Variants in LEFTY1 observed in about 807,000 individuals in gnomAD.
The protein encoded by LEFTY1 is left-right determination factor B.
In LEFTY1, 18 loss-of-function variants were observed where a neutral mutation model predicts 22.6. That is an observed-to-expected ratio of 0.80 (90% CI 0.55 to 1.18). The LOEUF (loss-of-function observed/expected upper bound fraction) is 1.18. Ranked by LOEUF, LEFTY1 falls within the 50% of genes most tolerant of loss-of-function variation. The pLI is 0.00. For synonymous variants in LEFTY1, 201 were observed against 231.5 expected, an observed-to-expected ratio of 0.87 and a Z score of 1.20; for missense variants, 414 against 495.4, an observed-to-expected ratio of 0.84 and a Z score of 1.56.
At chr1:225,887,314 G>T (rs1671300418) in intron 3 of LEFTY1, 85 bp downstream of exon 3, 1 of 1,591,372 alleles carries the variant, frequency 6.3e-7, no homozygotes, top group East Asian at 2.2e-5. Flanking sequence ...CATTCCCACA[G>T]CACTCTGAAA....
At position 225,887,406 on chromosome 1, in the gene LEFTY1, C is replaced by A; in HGVS notation, c.730G>T (p.Asp244Tyr). The A allele has an allele frequency of 6.2e-7, 1 of 1,613,684 alleles. No homozygotes were observed. Among genetic ancestry groups the A allele is most frequent in the Non-Finnish European group, 8.5e-7 (1 of 1,179,898 alleles). The stretch of plus-strand genomic sequence containing the variant: ...TTGACCCTCAGCACCTACCCATAGT[C>A]CCCAAGGTCCAGGGTGTGCAGCTCC... ...QLELHTLDLG[D>Y]YGAQGDCDPE... Residue 244 changes from aspartate to tyrosine, a missense_variant, in exon 3 of 4, where the codon GAC becomes TAC. This residue lies in a region of LEFTY1 where 398 missense variants were observed against 454.7 expected (regional missense o/e 0.88). Coordinates refer to ENST00000272134, the MANE Select transcript of LEFTY1 (RefSeq NM_020997.4).
At position 225,887,440 on chromosome 1, in the gene LEFTY1, C is replaced by T; in HGVS notation, c.696G>A (p.Glu232=). 6.2e-7 allele frequency: 1 copy of T among 1,613,408 alleles called. No individual in the cohort carries two copies. Among genetic ancestry groups the T allele is most frequent in the Non-Finnish European group, 8.5e-7 (1 of 1,179,844 alleles). ...CCAGGGTGTGCAGCTCCAGCTGGGG[C>T]TCCCCAAGCCCGGCTGGCGCCCCCT... ...ASQGAPAGLG[E]PQLELHTLDL... The change falls in exon 3 of 4, where the codon GAG becomes GAA. Residue 232 remains glutamate, a synonymous_variant. Transcript: ENST00000272134.
intron 1 of LEFTY1, among the ~76,000 whole-genome samples, chr1:225,888,500 T>G (rs1029886237): frequency 6.6e-6 from 1 of 152,230 alleles, no homozygotes; most frequent in Non-Finnish European, 1.5e-5. Context: ...TGCTGGAAGA[T>G]GGGCAAGACA....
rs1483653753 is a variant in LEFTY1 at position 225,887,054 on chromosome 1, G to C, written c.774C>G (p.Thr258=). Reference sequence around the variant, plus strand: ...CCTGGCGGCAGCAGCGGGTGCCCTCGGTCATTGGTGCTTCAGGGTCACAGT... The same window carrying C: ...CCTGGCGGCAGCAGCGGGTGCCCTCCGTCATTGGTGCTTCAGGGTCACAGT... The part of the protein sequence containing the change: ...QGDCDPEAPM[T]EGTRCCRQEM... The change falls in exon 4 of 4, where the codon ACC becomes ACG. Residue 258 remains threonine, a synonymous_variant. Transcript: ENST00000272134. 4 of 1,599,180 alleles carry C rather than the reference G, an allele frequency of 2.5e-6. No homozygotes were observed. The highest frequency in any genetic ancestry group is 1.7e-5 in the Admixed American group (1 of 57,984).
In LEFTY1 at chr1:225,887,610, T is replaced by A; in HGVS notation, c.526A>T (p.Lys176Ter). The change falls in exon 3 of 4, where the codon AAG (lysine) becomes TAG (stop). Residue 176 changes from lysine (K) to a stop codon, truncating the protein, a stop_gained. Transcript: ENST00000272134. LOFTEE classifies it high-confidence loss of function. ...ACGGCCTCGGTCACGTCGAAGGCCT[T>A]CCAGCCGCTCTCGTGGACGGACACC... Reference protein sequence around the residue: ...RLVSVHESGWKAFDVTEAVNF... With the variant: ...RLVSVHESGW The A allele has an allele frequency of 6.2e-7, 1 of 1,611,312 alleles. No homozygotes were observed. The highest frequency in any genetic ancestry group is 8.5e-7 in the Non-Finnish European group (1 of 1,179,602).
rs778534702 is a variant in LEFTY1, at chr1:225,886,701, A to C, written c.*26T>G. On this transcript the variant is annotated 3_prime_UTR_variant, in exon 4 of 4. Coordinates refer to ENST00000272134, the MANE Select transcript of LEFTY1 (RefSeq NM_020997.4). Reference sequence around the variant, plus strand: ...ACACTTCAGAAACACACACAAGTCAAGTCCCTCGATGGCTACACTAGGCGC... The same window carrying C: ...ACACTTCAGAAACACACACAAGTCACGTCCCTCGATGGCTACACTAGGCGC... 3 of 1,613,078 alleles carry C rather than the reference A, an allele frequency of 1.9e-6. No homozygotes were observed. The East Asian group carries it at 6.7e-5, about 36-fold the overall frequency.
chr1:225,887,354 C>A (rs1190359528), intron 3 of LEFTY1, 45 bp downstream of exon 3: 3 of 1,608,608 alleles, frequency 1.9e-6, no homozygotes, highest in Non-Finnish European at 8.5e-7. Flanking sequence ...AATGTAATTG[C>A]CTGTCTCTTT....
At position 225,887,997 on chromosome 1, in the gene LEFTY1, T is replaced by C; in HGVS notation, c.286A>G (p.Thr96Ala). ...TCCATGCCGAACACCAGCAGGTGTG[T>C]GCTGGCCTCCAACGCCAGGAACCTG... ...AGRFLALEASTHLLVFGMEQR... is the reference protein window; with the variant it reads ...AGRFLALEASAHLLVFGMEQR... The change falls in exon 2 of 4, where the codon ACA (threonine) becomes GCA (alanine). Residue 96 changes from threonine to alanine, a missense_variant. Transcript: ENST00000272134. 2.5e-6 allele frequency: 4 copies of C among 1,590,864 alleles called. No homozygotes were observed. The highest frequency in any genetic ancestry group is 3.4e-6 in the Non-Finnish European group (4 of 1,178,436).
rs1450905307 is a variant in LEFTY1 at position 225,887,944 on chromosome 1, C to G, written c.339G>C (p.Leu113=). ...GGAAGAGCCGCAGCACGGCCTGCAC[C>G]AGCTCGCTGTTGGGCGGCAGCCGCT... ...MEQRLPPNSE[L]VQAVLRLFQE... The change falls in exon 2 of 4, where the codon CTG becomes CTC. Residue 113 remains leucine (L), a synonymous_variant. Transcript: ENST00000272134. 2.6e-6 allele frequency: 4 copies of G among 1,565,988 alleles called. No homozygotes were observed. Among genetic ancestry groups the G allele is most frequent in the Admixed American group, 1.8e-5 (1 of 55,048 alleles).
rs764036096 is a variant in LEFTY1, at chr1:225,887,647, T to G, written c.498-9A>C. The G allele has an allele frequency of 3.1e-6, 5 of 1,612,106 alleles. No homozygotes were observed. In the East Asian group the frequency reaches 1.1e-4, roughly 36 times the overall value. ...CGTGGACGGACACCAGCCTGAGACATGACACAGAGACCCAGCGCCGCTTGA... is the reference window on the plus strand; with the variant it reads ...CGTGGACGGACACCAGCCTGAGACAGGACACAGAGACCCAGCGCCGCTTGA... On this transcript the variant is annotated splice_polypyrimidine_tract_variant and intron_variant, in intron 2 of 3. Transcript: ENST00000272134.
In LEFTY1 at chr1:225,887,103, A is replaced by G. The variant is rs1032445198; in HGVS notation, c.738-13T>C. ...GTCGCCCTGAGCTCTGTGTGGGCAA[A>G]GAGAGCAGGGTCAGCGGTCAGCTGG... On this transcript the variant is annotated splice_polypyrimidine_tract_variant and intron_variant, in intron 3 of 3. Coordinates refer to ENST00000272134, the MANE Select transcript of LEFTY1 (RefSeq NM_020997.4). 1.3e-6 allele frequency: 2 copies of G among 1,596,626 alleles called. No individual in the cohort carries two copies. Among genetic ancestry groups the G allele is most frequent in the African/African-American group, 1.3e-5 (1 of 74,302 alleles).
At chr1:225,887,226 A>T in intron 3 of LEFTY1, 136 bp from the exon 4 acceptor site, 1 of 1,470,262 alleles carries the variant, frequency 6.8e-7, no homozygotes, top group Non-Finnish European at 9.0e-7. Context: ...ACAGCTAGAA[A>T]TAACTTGAAA....
At chr1:225,888,794 G>C (rs775256361) in intron 1 of LEFTY1, 23 bp downstream of exon 1, 2 of 1,612,642 alleles carry the variant, frequency 1.2e-6, no homozygotes, top group Non-Finnish European at 8.5e-7. Flanking sequence ...GGGACCAGGG[G>C]CAGCAGGGAG....
At chr1:225,887,743 A>G in intron 2 of LEFTY1, 43 bp downstream of exon 2, 1 of 1,562,164 alleles carries the variant, frequency 6.4e-7, no homozygotes, top group Non-Finnish European at 8.7e-7. Context: ...AGCCGGGCCT[A>G]GCAGCGCCCT....
In LEFTY1 at chr1:225,886,891, G is replaced by T. The variant is rs1226018328; in HGVS notation, c.937C>A (p.Pro313Thr). 1.9e-6 allele frequency: 3 copies of T among 1,613,956 alleles called. No homozygotes were observed. Among genetic ancestry groups the T allele is most frequent in the South Asian group, 1.1e-5 (1 of 91,082 alleles). Residue 313 changes from proline (P) to threonine (T), a missense_variant, in exon 4 of 4, where the codon CCT (proline) becomes ACT (threonine). Transcript: ENST00000272134. The stretch of plus-strand genomic sequence containing the variant: ...GTCTCCGAGGCGATGCACTGTCGAG[G>T]CCCCAGAAACGGCCACTTGAAGGCC... ...ALAFKWPFLG[P>T]RQCIASETDS... is the part of the protein sequence containing the mutation.
Position 225,887,379 on chromosome 1 carries a change from G to C in LEFTY1, c.737+20C>G. 16 of 1,613,194 alleles carry C rather than the reference G, an allele frequency of 9.9e-6. No individual in the cohort carries two copies. Among genetic ancestry groups the C allele is most frequent in the Non-Finnish European group, 1.4e-5 (16 of 1,179,654 alleles). On this transcript the variant is annotated intron_variant, in intron 3 of 3. Coordinates refer to ENST00000272134, the MANE Select transcript of LEFTY1 (RefSeq NM_020997.4). ...CCTGTCTCTTTATTCCGGCTTACCAGTTTGACCCTCAGCACCTACCCATAG... is the reference window on the plus strand; with the variant it reads ...CCTGTCTCTTTATTCCGGCTTACCACTTTGACCCTCAGCACCTACCCATAG...
chr1:225,887,728 C>T lies in LEFTY1; in HGVS notation c.497+58G>A, dbSNP rs775950411. The T allele has an allele frequency of 1.0e-5, 16 of 1,578,534 alleles. No individual in the cohort carries two copies. The Admixed American group carries it at 2.4e-4, about 23-fold the overall frequency. On this transcript the variant is annotated intron_variant, in intron 2 of 3. Transcript: ENST00000272134. The stretch of plus-strand genomic sequence containing the variant: ...CCGCACCGCCCCCCCGCGTCCCCGC[C>T]CCCAAGCCGGGCCTAGCAGCGCCCT...
In LEFTY1 at chr1:225,889,091, G is replaced by A; in HGVS notation, c.-25C>T. ...TGGTGCTGCCCTGGAGGAGCAAGAG[G>A]CAGAGTGGGGCTGTCCCTTGAGAAG... On this transcript the variant is annotated 5_prime_UTR_variant, in exon 1 of 4. Transcript: ENST00000272134. 6.9e-7 allele frequency: 1 copy of A among 1,447,896 alleles called. No homozygotes were observed. Among genetic ancestry groups the A allele is most frequent in the South Asian group, 1.4e-5 (1 of 69,008 alleles). The allele number at this position is 1,447,896 out of a possible 1,614,324, so 89.7% of individuals were successfully genotyped here.
rs1033970449 is a variant in LEFTY1 at position 225,887,535 on chromosome 1, C to T, written c.601G>A (p.Val201Met). Residue 201 changes from valine to methionine, a missense_variant, in exon 3 of 4, where the codon GTG becomes ATG. By Grantham distance (21) the Val-to-Met change is conservative. Around this residue, in one of 2 missense-constraint regions of LEFTY1, gnomAD observed 398 missense variants for 454.7 expected, o/e 0.88. Transcript: ENST00000272134. ...SRPRQPLLLQ[V>M]SVQREHLGPL... Reference sequence around the variant, plus strand: ...CCCAGATGCTCCCTCTGCACCGACACCTGTAGCAGCAGCGGCTGCCGGGGC... The same window carrying T: ...CCCAGATGCTCCCTCTGCACCGACATCTGTAGCAGCAGCGGCTGCCGGGGC... 1 of 1,611,680 alleles carries T rather than the reference C, an allele frequency of 6.2e-7. No individual in the cohort carries two copies. Among genetic ancestry groups the T allele is most frequent in the African/African-American group, 1.3e-5 (1 of 74,920 alleles).
Sources: gnomAD v4.1 joint callset for allele counts (sites outside exome capture counted in the v4.1 genomes callset) on GRCh38, gnomAD v4.1.1 for gene constraint, gnomAD v4.1.1 regional missense constraint, MANE v1.5 for transcripts, NCBI Gene and HGNC (gene_info 2026-07-23, HGNC 2026-07-21) for gene names.